ROBO2: variants seen among roughly 807,000 people sequenced by gnomAD.
ROBO2 encodes the protein roundabout guidance receptor 2, also known as roundabout homolog 2.
Under a neutral mutation model 160.8 loss-of-function variants are expected in ROBO2, and 53 were observed. The observed-to-expected ratio is 0.33, with a 90% CI of 0.26 to 0.41. ROBO2 has a LOEUF of 0.41. Ranked by LOEUF, ROBO2 falls within the 10% of genes least tolerant of loss-of-function variation. ROBO2 has a pLI of 1.00. For synonymous variants in ROBO2, 664 were observed against 611.7 expected, an observed-to-expected ratio of 1.09 and a Z score of -1.26; for missense variants, 1,577 against 1,722.4, an observed-to-expected ratio of 0.92 and a Z score of 1.49.
At chr3:75,921,702 A>G (rs1236814961) in intron 1 of ROBO2, among the ~76,000 whole-genome samples, 1 of 152,154 alleles carries the variant, frequency 6.6e-6, no homozygotes, top group Non-Finnish European at 1.5e-5. Context: ...ATGGAGAAAG[A>G]TTTGTCAAAA....
chr3:75,947,380 G>A (rs1296370729), intron 2 of ROBO2, among the ~76,000 whole-genome samples: 1 of 152,074 alleles, frequency 6.6e-6, no homozygotes, highest in Non-Finnish European at 1.5e-5. Flanking sequence ...CCATGAGCCA[G>A]ATCTGGCCTG....
At chr3:77,405,420 A>G (rs2076175521) in intron 2 of ROBO2, among the ~76,000 whole-genome samples, 1 of 152,114 alleles carries the variant, frequency 6.6e-6, no homozygotes, top group African/African-American at 2.4e-5. Context: ...TAAAAATATC[A>G]TAGTACCATT....
intron 2 of ROBO2, among the ~76,000 whole-genome samples, chr3:76,096,138 A>G (rs939883154): frequency 6.6e-6 from 1 of 152,150 alleles, no homozygotes; most frequent in South Asian, 2.1e-4. Context: ...GGCAGTTCTC[A>G]TGTTCTGAGA....
Position 76,874,585 on chromosome 3 carries a change from T to C in ROBO2, c.110-223429T>C, listed in dbSNP as rs143920371. Among the ~76,000 whole-genome samples the C allele has an allele frequency of 1.5e-3, 224 of 152,312 alleles. 2 individuals carry two copies. The highest frequency in any genetic ancestry group is 5.1e-3 in the African/African-American group (211 of 41,576). On this transcript the variant is annotated intron_variant, in intron 2 of 26. Transcript: ENST00000487694. ...CACCGCAGCTTATCACAGAAGTTCA[T>C]ATCAAAGACTCAGGGGTGAGGAGAA...
chr3:77,096,740 G>A (rs931396814), intron 1 of ROBO2, among the ~76,000 whole-genome samples: 5 of 152,058 alleles, frequency 3.3e-5, no homozygotes, highest in Non-Finnish European at 7.4e-5. Flanking sequence ...GTGAGCCACC[G>A]TGCCCGGCCT....
chr3:76,058,186 G>T (rs1365145297), intron 2 of ROBO2, among the ~76,000 whole-genome samples: 3 of 151,860 alleles, frequency 2.0e-5, no homozygotes, highest in Non-Finnish European at 2.9e-5. Context: ...CACATGCCAT[G>T]ATGGTTTGCT....
At chr3:76,609,418 T>C (rs977449970) in intron 2 of ROBO2, among the ~76,000 whole-genome samples, 2 of 152,174 alleles carry the variant, frequency 1.3e-5, no homozygotes, top group Admixed American at 1.3e-4. Flanking sequence ...ATAATTTTCA[T>C]TGTAGAGTTC....
intron 17 of ROBO2, among the ~76,000 whole-genome samples, chr3:77,593,236 A>G (rs2094219996): frequency 6.6e-6 from 1 of 151,736 alleles, no homozygotes; most frequent in African/African-American, 2.4e-5. Context: ...AACACAAACT[A>G]GAAAGTCACA....
chr3:76,854,860 T>C (rs758217581), intron 2 of ROBO2, among the ~76,000 whole-genome samples: 30 of 152,164 alleles, frequency 2.0e-4, no homozygotes, highest in Non-Finnish European at 3.7e-4. Flanking sequence ...AGTTAAAAGA[T>C]AGTAGTCATT....
chr3:76,481,151 A>AT (rs762194482), intron 2 of ROBO2, among the ~76,000 whole-genome samples: 4 of 152,110 alleles, frequency 2.6e-5, no homozygotes, highest in Non-Finnish European at 5.9e-5. Flanking sequence ...GGTTTTTGAA[A>AT]TTGATGTTGG....
chr3:75,931,177 T>C (rs1377024457), intron 1 of ROBO2, among the ~76,000 whole-genome samples: 3 of 152,244 alleles, frequency 2.0e-5, no homozygotes, highest in Non-Finnish European at 4.4e-5. Context: ...AGGTTTCTTC[T>C]ACATGCCAAG....
intron 19 of ROBO2, among the ~76,000 whole-genome samples, chr3:77,599,520 A>C: frequency 7.2e-6 from 1 of 138,440 alleles, no homozygotes; most frequent in Non-Finnish European, 1.6e-5. Context: ...GGGGGGAGGG[A>C]TAGCATTAGG....
intron 2 of ROBO2, among the ~76,000 whole-genome samples, chr3:77,130,979 T>C (rs2075805866): frequency 6.6e-6 from 1 of 152,206 alleles, no homozygotes; most frequent in African/African-American, 2.4e-5. Context: ...TCTGCTGTTT[T>C]TTCTTATTAG....
chr3:77,542,437 G>A (rs886419866), intron 6 of ROBO2, among the ~76,000 whole-genome samples: 6 of 152,108 alleles, frequency 3.9e-5, no homozygotes, highest in African/African-American at 7.2e-5. Flanking sequence ...GATCAATGTG[G>A]CATAAGTTCT....
intron 2 of ROBO2, among the ~76,000 whole-genome samples, chr3:76,425,050 T>G (rs1276278726): frequency 1.3e-5 from 2 of 152,112 alleles, no homozygotes; most frequent in African/African-American, 4.8e-5. Flanking sequence ...TCTGGCCTCC[T>G]CTACCCTTAT....
At chr3:77,494,669 A>G (rs993731479) in intron 5 of ROBO2, among the ~76,000 whole-genome samples, 1 of 152,236 alleles carries the variant, frequency 6.6e-6, no homozygotes, top group Non-Finnish European at 1.5e-5. Flanking sequence ...CCGAAGCTGT[A>G]TACCTTTTAT....
intron 2 of ROBO2, among the ~76,000 whole-genome samples, chr3:75,974,190 G>C (rs750082865): frequency 6.6e-6 from 1 of 151,580 alleles, no homozygotes; most frequent in Non-Finnish European, 1.5e-5. Flanking sequence ...AAAATGTAGA[G>C]CGTGAAAGAA....
intron 2 of ROBO2, among the ~76,000 whole-genome samples, chr3:77,127,031 C>T (rs919815537): frequency 8.6e-5 from 13 of 151,450 alleles, no homozygotes; most frequent in African/African-American, 1.9e-4. Flanking sequence ...CCTCATGATC[C>T]GCCCGCCTTG....
chr3:76,701,896 C>A (rs553152390), intron 2 of ROBO2, among the ~76,000 whole-genome samples: 1 of 149,964 alleles, frequency 6.7e-6, no homozygotes, highest in South Asian at 2.1e-4. Context: ...AGAAGTTGTT[C>A]GGAGAACTGT....
Sources: gnomAD v4.1 joint callset for allele counts (sites outside exome capture counted in the v4.1 genomes callset) on GRCh38, gnomAD v4.1.1 for gene constraint, MANE v1.5 for transcripts, NCBI Gene and HGNC (gene_info 2026-07-23, HGNC 2026-07-21) for gene names.